Variants in GRAMD1B observed in about 807,000 individuals in gnomAD.
The protein encoded by GRAMD1B is GRAM domain containing 1B, also known as protein Aster-B.
In GRAMD1B, 37 loss-of-function variants were observed where a neutral mutation model predicts 99.7. That is an observed-to-expected ratio of 0.37 (90% CI 0.29 to 0.49). GRAMD1B has a LOEUF of 0.49. Among genes scored for constraint, GRAMD1B ranks in the 20% least tolerant of loss-of-function variants. The probability of loss-of-function intolerance (pLI) is 0.98; values close to 1 mark genes in which losing one functional copy is unlikely to be tolerated. For missense variants in GRAMD1B, 888 were observed against 1,009.2 expected (o/e 0.88, Z 1.63); for synonymous variants, 427 against 387.6 (o/e 1.10, Z -1.19).
intron 1 of GRAMD1B, among the ~76,000 whole-genome samples, chr11:123,365,290 T>G (rs1946280993): frequency 6.6e-6 from 1 of 152,046 alleles, no homozygotes; most frequent in South Asian, 2.1e-4. Context: ...CTCACACCGT[T>G]GCCCAGGCTG....
At chr11:123,549,287 G>A (rs543122576) in intron 2 of GRAMD1B, among the ~76,000 whole-genome samples, 1 of 152,282 alleles carries the variant, frequency 6.6e-6, no homozygotes, top group African/African-American at 2.4e-5. Context: ...GCTCATGCCT[G>A]TAATCCCAGC....
At chr11:123,500,757 C>T (rs559856844) in intron 2 of GRAMD1B, among the ~76,000 whole-genome samples, 11 of 152,042 alleles carry the variant, frequency 7.2e-5, no homozygotes, top group African/African-American at 2.7e-4. Context: ...ACTGCAACCT[C>T]TGTCTCCCAG....
chr11:123,455,376 C>A (rs187318079), intron 1 of GRAMD1B, among the ~76,000 whole-genome samples: 1 of 152,122 alleles, frequency 6.6e-6, no homozygotes, highest in African/African-American at 2.4e-5. Context: ...ATCTGCCTTC[C>A]TCGGCCTCCC....
intron 1 of GRAMD1B, among the ~76,000 whole-genome samples, chr11:123,404,389 T>G (rs147891720): frequency 6.6e-6 from 1 of 152,254 alleles, no homozygotes; most frequent in South Asian, 2.1e-4. Flanking sequence ...GTGGTCGATA[T>G]GGGAAAGCAA....
intron 1 of GRAMD1B, chr11:123,454,573 A>T (rs578213582): frequency 6.6e-6 from 1 of 152,312 alleles, no homozygotes; most frequent in South Asian, 2.1e-4. Context: ...GTAACTAGCC[A>T]TGGGGATGTT....
intron 16 of GRAMD1B, 38 bp from the exon 17 acceptor site, chr11:123,614,707 G>C (rs1452500942): frequency 7.8e-7 from 1 of 1,278,280 alleles, no homozygotes; most frequent in Non-Finnish European, 1.1e-6. Flanking sequence ...TGGACTTGTG[G>C]GTCACCATGG....
intron 2 of GRAMD1B, among the ~76,000 whole-genome samples, chr11:123,548,041 A>G (rs2856250): frequency 0.73 from 110,661 of 151,464 alleles, 41,228 homozygotes; most frequent in African/African-American, 0.88. Context: ...GTGGGTGCAC[A>G]GCTGCATGAT....
At chr11:123,585,886 T>C (rs1010276287) in intron 4 of GRAMD1B, among the ~76,000 whole-genome samples, 7 of 152,360 alleles carry the variant, frequency 4.6e-5, no homozygotes, top group Middle Eastern at 3.4e-3. Context: ...TTTATTGCTC[T>C]TTAGCTCAGA....
intron 1 of GRAMD1B, among the ~76,000 whole-genome samples, chr11:123,392,333 C>T (rs949064761): frequency 1.1e-4 from 17 of 151,552 alleles, no homozygotes; most frequent in Non-Finnish European, 2.1e-4. Context: ...TTTTTTCAGA[C>T]TCTGCTCTTC....
At chr11:123,399,105 C>T (rs1947566897) in intron 1 of GRAMD1B, among the ~76,000 whole-genome samples, 1 of 152,184 alleles carries the variant, frequency 6.6e-6, no homozygotes, top group South Asian at 2.1e-4. Context: ...CTCTCCCAGT[C>T]TCTGGCAAAC....
chr11:123,524,323 A>T (rs951593533), intron 2 of GRAMD1B, among the ~76,000 whole-genome samples: 2 of 143,586 alleles, frequency 1.4e-5, no homozygotes, highest in East Asian at 4.0e-4. Flanking sequence ...TTTTATTTTT[A>T]TTTTATTTTA....
intron 2 of GRAMD1B, among the ~76,000 whole-genome samples, chr11:123,502,620 C>CA (rs1239150805): frequency 2.0e-5 from 3 of 151,770 alleles, no homozygotes; most frequent in Non-Finnish European, 2.9e-5. Flanking sequence ...ACTAAAAATA[C>CA]AAAAATTAGC....
chr11:123,579,271 A>G (rs2136256064), intron 3 of GRAMD1B, among the ~76,000 whole-genome samples: 1 of 152,334 alleles, frequency 6.6e-6, no homozygotes, highest in East Asian at 1.9e-4. Flanking sequence ...TGCAGCCCGA[A>G]GAAGGGGAAG....
intron 4 of GRAMD1B, among the ~76,000 whole-genome samples, chr11:123,588,831 T>C (rs1429703228): frequency 6.6e-6 from 1 of 152,198 alleles, no homozygotes; most frequent in Non-Finnish European, 1.5e-5. Context: ...TAGCACCTGA[T>C]ACAGTATCCC....
rs1955512202 is a variant in GRAMD1B at position 123,626,376 on chromosome 11, C to A, written c.*3781C>A. The A allele has an allele frequency of 6.6e-6, 1 of 151,872 alleles. No homozygotes were observed. Among genetic ancestry groups the A allele is most frequent in the Non-Finnish European group, 1.5e-5 (1 of 67,992 alleles). 9.4% of individuals were successfully genotyped at this position (151,872 alleles called of 1,614,324 possible). A position where few individuals can be genotyped will look rare whatever the true frequency, so the allele number is the denominator to read the frequency against. On this transcript the variant is annotated 3_prime_UTR_variant, in exon 20 of 20. Transcript: ENST00000635736. ...TTCTCTCCGTGTCCCTGCCCCCCAC[C>A]CAAACTTGAACTATACCTATTACAT...
intron 2 of GRAMD1B, among the ~76,000 whole-genome samples, chr11:123,511,215 C>T (rs1360627151): frequency 3.3e-5 from 5 of 152,090 alleles, no homozygotes; most frequent in African/African-American, 4.8e-5. Context: ...GGGGTTGGTG[C>T]GGGCTGGACA....
At chr11:123,383,340 C>A in intron 1 of GRAMD1B, among the ~76,000 whole-genome samples, 1 of 152,116 alleles carries the variant, frequency 6.6e-6, no homozygotes, top group East Asian at 1.9e-4. Context: ...GGAGCTAAAT[C>A]ATATTAGCTT....
upstream of GRAMD1B, among the ~76,000 whole-genome samples, chr11:123,428,606 C>T (rs141132582): frequency 8.4e-4 from 128 of 152,364 alleles, no homozygotes; most frequent in Non-Finnish European, 1.1e-3. Context: ...TTGAGCTTTT[C>T]CATACTTGAC....
intron 1 of GRAMD1B, among the ~76,000 whole-genome samples, chr11:123,360,961 C>T (rs759806491): frequency 4.6e-5 from 7 of 151,958 alleles, no homozygotes; most frequent in African/African-American, 1.2e-4. Context: ...GGATTACAGG[C>T]GCCCACCACC....
Sources: gnomAD v4.1 joint callset for allele counts (sites outside exome capture counted in the v4.1 genomes callset) on GRCh38, gnomAD v4.1.1 for gene constraint, MANE v1.5 for transcripts, NCBI Gene and HGNC (gene_info 2026-07-23, HGNC 2026-07-21) for gene names.